BMERB1: variants seen among roughly 807,000 people sequenced by gnomAD.
BMERB1 encodes bMERB domain-containing protein 1.
A neutral mutation model predicts 23.6 loss-of-function variants in BMERB1; 12 were observed. The observed-to-expected ratio is 0.51, with a 90% CI of 0.33 to 0.82. The LOEUF (loss-of-function observed/expected upper bound fraction) is 0.82, where lower values mean the gene tolerates loss of function less well. Among genes scored for constraint, BMERB1 ranks in the 40% least tolerant of loss-of-function variants. BMERB1 has a pLI of 0.03. For missense variants in BMERB1, 247 were observed against 255.4 expected, an observed-to-expected ratio of 0.97 and a Z score of 0.22; for synonymous variants, 122 against 96.6, an observed-to-expected ratio of 1.26 and a Z score of -1.54.
chr16:15,527,976 T>C (rs945747843), intron 2 of BMERB1, among the ~76,000 whole-genome samples: 1 of 152,170 alleles, frequency 6.6e-6, no homozygotes, highest in Non-Finnish European at 1.5e-5. Context: ...TCCATCTTTC[T>C]CCATCTCCAT....
At chr16:15,553,710 G>T (rs1015106547) in intron 2 of BMERB1, among the ~76,000 whole-genome samples, 3 of 152,116 alleles carry the variant, frequency 2.0e-5, no homozygotes, top group African/African-American at 7.2e-5. Flanking sequence ...TTCTTAGTTC[G>T]TGAGTTGTAC....
chr16:15,578,319 C>G (rs1234907410), intron 3 of BMERB1, among the ~76,000 whole-genome samples: 1 of 151,830 alleles, frequency 6.6e-6, no homozygotes, highest in East Asian at 1.9e-4. Context: ...CTGCTTCAGC[C>G]TCCCAAGTAG....
intron 3 of BMERB1, among the ~76,000 whole-genome samples, chr16:15,569,836 CA>C (rs1297353638): frequency 2.2e-4 from 34 of 152,308 alleles, no homozygotes; most frequent in Non-Finnish European, 3.8e-4. Flanking sequence ...GGAATAATGG[CA>C]GTAGTCATTT....
chr16:15,502,693 C>T (rs2051543284), intron 1 of BMERB1, among the ~76,000 whole-genome samples: 1 of 152,090 alleles, frequency 6.6e-6, no homozygotes. Flanking sequence ...TCATGGGGCG[C>T]AGATCTATTC....
At chr16:15,479,624 G>A (rs1027653095) in intron 1 of BMERB1, among the ~76,000 whole-genome samples, 4 of 151,934 alleles carry the variant, frequency 2.6e-5, no homozygotes, top group Non-Finnish European at 1.5e-5. Flanking sequence ...AAAACAGACC[G>A]AACATAGAAG....
chr16:15,538,281 A>G (rs2052044865), intron 2 of BMERB1, among the ~76,000 whole-genome samples: 1 of 152,098 alleles, frequency 6.6e-6, no homozygotes, highest in South Asian at 2.1e-4. Context: ...GTGAAACACC[A>G]TCTCTTACTA....
At chr16:15,455,492 G>T (rs963641611) in intron 1 of BMERB1, among the ~76,000 whole-genome samples, 1 of 151,458 alleles carries the variant, frequency 6.6e-6, no homozygotes, top group Non-Finnish European at 1.5e-5. Context: ...ATGGAGTCTC[G>T]CTCTGTTGCC....
intron 3 of BMERB1, among the ~76,000 whole-genome samples, chr16:15,569,225 A>G (rs982652173): frequency 2.6e-5 from 4 of 152,096 alleles, no homozygotes; most frequent in Non-Finnish European, 5.9e-5. Context: ...CAAAAAAAAG[A>G]AAGAGAGAAC....
At chr16:15,446,242 AT>A (rs2050988058) in intron 1 of BMERB1, among the ~76,000 whole-genome samples, 1 of 152,064 alleles carries the variant, frequency 6.6e-6, no homozygotes, top group African/African-American at 2.4e-5. Context: ...AAATAAAAAA[AT>A]AAACTGGCTG....
chr16:15,504,082 G>A (rs543917035), intron 1 of BMERB1, among the ~76,000 whole-genome samples: 4 of 152,282 alleles, frequency 2.6e-5, no homozygotes, highest in African/African-American at 9.6e-5. Flanking sequence ...GGGTATGCTT[G>A]TTCCCCAATG....
chr16:15,455,027 A>AGG (rs2051072684), intron 1 of BMERB1, among the ~76,000 whole-genome samples: 1 of 151,956 alleles, frequency 6.6e-6, no homozygotes, highest in Non-Finnish European at 1.5e-5. Flanking sequence ...TGAAATGAAG[A>AGG]GGAGAAGTGT....
chr16:15,546,402 C>T (rs187414941), intron 2 of BMERB1, among the ~76,000 whole-genome samples: 11 of 152,286 alleles, frequency 7.2e-5, no homozygotes, highest in Admixed American at 2.0e-4. Context: ...GAGCATTATG[C>T]TGAACTGGTA....
chr16:15,461,693 C>T (rs1270834342), intron 1 of BMERB1, among the ~76,000 whole-genome samples: 1 of 152,046 alleles, frequency 6.6e-6, no homozygotes, highest in African/African-American at 2.4e-5. Flanking sequence ...GAGGACAAGG[C>T]AGGTGGATTG....
At chr16:15,554,890 T>C (rs774965455) in intron 2 of BMERB1, among the ~76,000 whole-genome samples, 44 of 152,002 alleles carry the variant, frequency 2.9e-4, no homozygotes, top group Non-Finnish European at 5.9e-4. Context: ...ATGGTCTCGA[T>C]CTCCTGACCT....
chr16:15,457,446 A>G (rs2051095572), intron 1 of BMERB1, among the ~76,000 whole-genome samples: 1 of 152,154 alleles, frequency 6.6e-6, no homozygotes, highest in Non-Finnish European at 1.5e-5. Flanking sequence ...AATCTTCCAA[A>G]TAATTGACAG....
rs557568433 is a variant in BMERB1 at position 15,580,634 on chromosome 16, A to T, written c.305-583A>T. Among the ~76,000 whole-genome samples the T allele has an allele frequency of 2.1e-5, 3 of 144,370 alleles. No individual in the cohort carries two copies. The South Asian group carries it at 6.5e-4, about 31-fold the overall frequency. 94.7% of individuals were successfully genotyped at this position (144,370 alleles called of 152,430 possible). ...GCGATCTCAGCTCACTGCAAGCTCC[A>T]CCTCCCGGGTTCATGTCATTCTCCT... On this transcript the variant is annotated intron_variant, in intron 3 of 5. Transcript: ENST00000300006.
At chr16:15,517,772 GTGTGGA>G (rs1376551250) in intron 2 of BMERB1, among the ~76,000 whole-genome samples, 2 of 148,734 alleles carry the variant, frequency 1.3e-5, no homozygotes, top group East Asian at 1.9e-4. Flanking sequence ...GTGTGGATGT[GTGTGGA>G]TGTGGATGTG....
At chr16:15,585,182 C>CA (rs1295964042) in intron 5 of BMERB1, among the ~76,000 whole-genome samples, 1 of 152,234 alleles carries the variant, frequency 6.6e-6, no homozygotes, top group Non-Finnish European at 1.5e-5. Flanking sequence ...CGAAGGCCAG[C>CA]ATCCTCAGTG....
intron 1 of BMERB1, among the ~76,000 whole-genome samples, chr16:15,449,083 C>T (rs567450129): frequency 9.2e-5 from 14 of 152,302 alleles, no homozygotes; most frequent in South Asian, 8.3e-4. Context: ...AACGATAAGG[C>T]CCCGTTAAAT....
Sources: allele counts gnomAD v4.1 joint callset (sites outside exome capture counted in the v4.1 genomes callset), GRCh38; gene constraint gnomAD v4.1.1; transcripts MANE v1.5; gene names NCBI Gene and HGNC (gene_info 2026-07-23, HGNC 2026-07-21).